Variants in FHAD1 observed in about 807,000 individuals in gnomAD.
The protein encoded by FHAD1 is forkhead associated phosphopeptide binding domain 1.
A neutral mutation model predicts 191.3 loss-of-function variants in FHAD1; 146 were observed. The ratio of observed to expected loss-of-function variants is 0.76; its 90% CI spans 0.67 to 0.88. The LOEUF is 0.88. FHAD1 is among the 40% of genes least tolerant of loss of function. The pLI, the probability that FHAD1 is intolerant of heterozygous loss-of-function variation, is 0.00. For missense variants in FHAD1, 1,635 were observed against 1,785.8 expected (o/e 0.92, Z 1.52); for synonymous variants, 616 against 672.3 (o/e 0.92, Z 1.29).
At chr1:15,357,949 AT>A in intron 20 of FHAD1, 160 bp from the exon 21 acceptor site, 1 of 574,532 alleles carries the variant, frequency 1.7e-6, no homozygotes, top group Non-Finnish European at 3.0e-6. Context: ...TTCTATAATA[AT>A]TGGAACCTTC....
intron 26 of FHAD1, among the ~76,000 whole-genome samples, chr1:15,372,161 A>T (rs1340549371): frequency 7.1e-6 from 1 of 141,004 alleles, no homozygotes; most frequent in African/African-American, 2.7e-5. Context: ...TCAGGTGGTC[A>T]GGGAGGCCTG....
At chr1:15,303,534 T>C (rs1171298482) in intron 6 of FHAD1, among the ~76,000 whole-genome samples, 1 of 152,212 alleles carries the variant, frequency 6.6e-6, no homozygotes, top group East Asian at 1.9e-4. Context: ...AATTTATCTT[T>C]CACCGTGAAA....
chr1:15,358,499 A>G (rs481075), intron 21 of FHAD1, among the ~76,000 whole-genome samples: 94,743 of 152,122 alleles, frequency 0.62, 30,984 homozygotes, highest in African/African-American at 0.83. Context: ...CCCTCTCCCC[A>G]CAGTCGTGAT....
At chr1:15,308,580 G>GC in intron 6 of FHAD1, 33 bp from the exon 7 acceptor site, 1 of 1,550,514 alleles carries the variant, frequency 6.4e-7, no homozygotes, top group South Asian at 1.2e-5. Flanking sequence ...ACGTGGGCCA[G>GC]CCCCCCTCTG....
chr1:15,303,179 G>C (rs1669362457), intron 6 of FHAD1, among the ~76,000 whole-genome samples: 1 of 152,194 alleles, frequency 6.6e-6, no homozygotes. Context: ...GGGGGACAGA[G>C]TAGACAACAA....
chr1:15,395,441 C>A lies in FHAD1; in HGVS notation c.4324-1856C>A, dbSNP rs144995192. ...CCCCTCTCCATACCTCTGCTGATTT[C>A]TTCTCTCTCCAGTGGTATGACAAGA... On this transcript the variant is annotated intron_variant, in intron 33 of 33. Coordinates refer to ENST00000688493, the MANE Select transcript of FHAD1 (RefSeq NM_001391957.1). Among the ~76,000 whole-genome samples, 457 of 152,254 alleles carry A rather than the reference C, an allele frequency of 3.0e-3. 1 individual carries two copies. The highest frequency in any genetic ancestry group is 0.01 in the African/African-American group (435 of 41,550).
chr1:15,269,605 T>C (rs1480065329), intron 2 of FHAD1, among the ~76,000 whole-genome samples: 1 of 152,228 alleles, frequency 6.6e-6, no homozygotes, highest in East Asian at 1.9e-4. Context: ...GAGTGTTCCA[T>C]GTCAGCCCAA....
At chr1:15,346,265 A>G (rs893887318) in intron 18 of FHAD1, among the ~76,000 whole-genome samples, 2 of 152,280 alleles carry the variant, frequency 1.3e-5, no homozygotes, top group Non-Finnish European at 2.9e-5. Context: ...GGGCCTGTGG[A>G]AGTTATATTT....
intron 14 of FHAD1, among the ~76,000 whole-genome samples, chr1:15,333,707 T>C (rs1472371513): frequency 2.6e-5 from 4 of 151,938 alleles, no homozygotes; most frequent in African/African-American, 9.7e-5. Flanking sequence ...AAAGCATGGG[T>C]TGTTTAGCTC....
chr1:15,345,547 G>A lies in FHAD1; in HGVS notation c.2346+24G>A, dbSNP rs747712903. The A allele has an allele frequency of 5.2e-6, 8 of 1,537,390 alleles. No homozygotes were observed. The South Asian group carries it at 8.4e-5, about 16-fold the overall frequency. On this transcript the variant is annotated intron_variant, in intron 18 of 33. Coordinates refer to ENST00000688493, the MANE Select transcript of FHAD1 (RefSeq NM_001391957.1). ...AGGTACGCTCGGGGAGATAGAGTCG[G>A]CTGAGCCCCAGTCGGCTTGAGGGCC...
intron 6 of FHAD1, among the ~76,000 whole-genome samples, chr1:15,302,773 GA>G (rs1669242624): frequency 6.6e-6 from 1 of 152,176 alleles, no homozygotes; most frequent in African/African-American, 2.4e-5. Flanking sequence ...GTTGTTAAAA[GA>G]GTAATGGGCC....
chr1:15,397,229 C>A, intron 33 of FHAD1, 68 bp from the exon 34 acceptor site: 4 of 691,212 alleles, frequency 5.8e-6, no homozygotes, highest in South Asian at 5.2e-5. Flanking sequence ...ATAACAAAAC[C>A]ACTTGAGTGG....
Position 15,386,173 on chromosome 1 carries a change from G to T in FHAD1, c.4189-1878G>T, listed in dbSNP as rs560334751. 1.3e-4 allele frequency among the ~76,000 whole-genome samples: 20 copies of T among 152,334 alleles called. No individual in the cohort carries two copies. The South Asian group carries it at 3.9e-3, about 30-fold the overall frequency. On this transcript the variant is annotated intron_variant, in intron 31 of 33. Coordinates refer to ENST00000688493, the MANE Select transcript of FHAD1 (RefSeq NM_001391957.1). ...TAACGGTAACAACAGGACCTGCTTC[G>T]TGGGGTGGTTAAATGGTGTGATGCC...
chr1:15,382,719 C>T (rs1048572402), intron 31 of FHAD1, among the ~76,000 whole-genome samples: 1 of 152,182 alleles, frequency 6.6e-6, no homozygotes, highest in East Asian at 1.9e-4. Context: ...GATTTCATAG[C>T]TGAAGGCTGT....
At chr1:15,342,341 G>A (rs1687054099) in intron 16 of FHAD1, among the ~76,000 whole-genome samples, 2 of 152,188 alleles carry the variant, frequency 1.3e-5, no homozygotes. Flanking sequence ...GAAGATAGCA[G>A]CATCTCTAAA....
At chr1:15,283,211 G>A (rs1219202088) in intron 3 of FHAD1, among the ~76,000 whole-genome samples, 3 of 152,202 alleles carry the variant, frequency 2.0e-5, no homozygotes, top group Admixed American at 6.5e-5. Context: ...ATGGCAATGC[G>A]AAACTGACAT....
intron 4 of FHAD1, among the ~76,000 whole-genome samples, chr1:15,292,500 A>AT (rs1384666391): frequency 1.3e-5 from 2 of 152,214 alleles, no homozygotes; most frequent in South Asian, 4.1e-4. Flanking sequence ...CGCCCAGCTA[A>AT]TTTTTTGTGT....
In FHAD1 at chr1:15,316,282, C is replaced by G. The variant is rs866555628; in HGVS notation, c.1171-96C>G. 1.0e-6 allele frequency: 1 copy of G among 953,630 alleles called. No individual in the cohort carries two copies. The highest frequency in any genetic ancestry group is 1.6e-6 in the Non-Finnish European group (1 of 617,886). 59.1% of individuals were successfully genotyped at this position (953,630 alleles called of 1,614,324 possible). The stretch of plus-strand genomic sequence containing the variant: ...CTGGATGGAAACAGCAGGAAATGCT[C>G]TCAGGGGCTCACATGGGGCCTTGGA... On this transcript the variant is annotated intron_variant, in intron 8 of 33. Transcript: ENST00000688493. This position sits in a 1 kb window ranked among gnomAD's most constrained non-coding sequence, Gnocchi z 4.3.
intron 33 of FHAD1, among the ~76,000 whole-genome samples, chr1:15,395,680 C>T (rs1398398387): frequency 2.0e-5 from 3 of 152,198 alleles, no homozygotes; most frequent in Admixed American, 1.3e-4. Flanking sequence ...AAACAGACCC[C>T]CTTAAATATA....
Sources: allele counts gnomAD v4.1 joint callset (sites outside exome capture counted in the v4.1 genomes callset), GRCh38; gene constraint gnomAD v4.1.1; non-coding constraint Gnocchi (gnomAD v3.1); transcripts MANE v1.5; gene names NCBI Gene and HGNC (gene_info 2026-07-23, HGNC 2026-07-21).